ARHGAP22: variants seen among roughly 807,000 people sequenced by gnomAD.
ARHGAP22 encodes the protein Rho GTPase activating protein 22.
In ARHGAP22, 48 loss-of-function variants were observed where a neutral mutation model predicts 59.1. That is an observed-to-expected ratio of 0.81 (90% CI 0.64 to 1.03). ARHGAP22 has a LOEUF of 1.03. Ranked by LOEUF, ARHGAP22 falls within the 50% of genes least tolerant of loss-of-function variation. The pLI is 0.00. For missense variants in ARHGAP22, 1,015 were observed against 958.7 expected, an observed-to-expected ratio of 1.06 and a Z score of -0.78; for synonymous variants, 445 against 416.4, an observed-to-expected ratio of 1.07 and a Z score of -0.84.
chr10:48,473,576 G>A (rs1317838216), intron 4 of ARHGAP22, among the ~76,000 whole-genome samples: 1 of 151,646 alleles, frequency 6.6e-6, no homozygotes, highest in Admixed American at 6.6e-5. Flanking sequence ...AGAGCGCTGA[G>A]CACTTTATGT....
At chr10:48,654,774 CTTTCTT>C (rs1554967770), upstream of ARHGAP22, among the ~76,000 whole-genome samples, 19 of 42,754 alleles carry the variant, frequency 4.4e-4, no homozygotes, top group African/African-American at 1.9e-3. Flanking sequence ...ATGCTGATTA[CTTTCTT>C]TCTTTCTTTC....
intron 2 of ARHGAP22, among the ~76,000 whole-genome samples, chr10:48,573,367 C>G (rs2058515429): frequency 6.6e-6 from 1 of 152,150 alleles, no homozygotes; most frequent in Non-Finnish European, 1.5e-5. Context: ...CTCTAGTTAC[C>G]AGCTAGAACC....
At chr10:48,452,179 G>A (rs1238361984) in intron 8 of ARHGAP22, among the ~76,000 whole-genome samples, 2 of 152,304 alleles carry the variant, frequency 1.3e-5, no homozygotes, top group Non-Finnish European at 2.9e-5. Flanking sequence ...TGCAGCGGAG[G>A]TGGGCAGTGC....
At chr10:48,620,427 G>A (rs553814898) in intron 1 of ARHGAP22, among the ~76,000 whole-genome samples, 17 of 152,256 alleles carry the variant, frequency 1.1e-4, no homozygotes, top group African/African-American at 3.9e-4. Flanking sequence ...CAAGAGTGAC[G>A]GAGCCAGGAG....
chr10:48,563,215 ACG>A (rs1295079775), intron 2 of ARHGAP22, among the ~76,000 whole-genome samples: 1 of 41,660 alleles, frequency 2.4e-5, no homozygotes, highest in Non-Finnish European at 4.3e-5. Context: ...TTTTTTTGAG[ACG>A]TATTCTTGCT....
At chr10:48,545,363 T>C (rs2056339219) in intron 3 of ARHGAP22, among the ~76,000 whole-genome samples, 1 of 152,234 alleles carries the variant, frequency 6.6e-6, no homozygotes, top group Non-Finnish European at 1.5e-5. Flanking sequence ...GGTCCTGTGC[T>C]GAGCTGAGAG....
chr10:48,456,291 C>T (rs1431571486), intron 5 of ARHGAP22, among the ~76,000 whole-genome samples: 4 of 152,188 alleles, frequency 2.6e-5, no homozygotes, highest in Non-Finnish European at 4.4e-5. Flanking sequence ...TACCTTCTGG[C>T]CCTGACATTT....
At chr10:48,563,650 G>T (rs947588558) in intron 2 of ARHGAP22, among the ~76,000 whole-genome samples, 2 of 152,064 alleles carry the variant, frequency 1.3e-5, no homozygotes, top group African/African-American at 4.8e-5. Context: ...TACTACAGTA[G>T]ACTACAGTAT....
downstream of ARHGAP22, chr10:48,444,609 C>T (rs2045281595): frequency 6.6e-6 from 1 of 152,210 alleles, no homozygotes; most frequent in Non-Finnish European, 1.5e-5. Flanking sequence ...TTCCTTTCAT[C>T]ATGGGAAACC....
chr10:48,489,779 G>A (rs2050196641), intron 3 of ARHGAP22, among the ~76,000 whole-genome samples: 1 of 148,108 alleles, frequency 6.8e-6, no homozygotes. Flanking sequence ...TGTAGCCCAG[G>A]CTGGAGTGCA....
At chr10:48,442,485 C>T, downstream of ARHGAP22, among the ~76,000 whole-genome samples, 1 of 152,212 alleles carries the variant, frequency 6.6e-6, no homozygotes, top group East Asian at 1.9e-4. Flanking sequence ...GAACCAAGTG[C>T]TGTTGTTTCC....
At chr10:48,585,633 C>T (rs567178959) in intron 1 of ARHGAP22, among the ~76,000 whole-genome samples, 2 of 152,336 alleles carry the variant, frequency 1.3e-5, no homozygotes, top group East Asian at 3.9e-4. Context: ...CTCATCTCTT[C>T]TCTCTGGCAC....
intron 1 of ARHGAP22, among the ~76,000 whole-genome samples, chr10:48,616,638 T>A (rs1345839323): frequency 6.6e-6 from 1 of 152,140 alleles, no homozygotes; most frequent in African/African-American, 2.4e-5. Flanking sequence ...TAGCAGCTAA[T>A]TTCTTATCAG....
At chr10:48,431,501 G>A in the ARHGAP22 span, among the ~76,000 whole-genome samples, 1 of 152,134 alleles carries the variant, frequency 6.6e-6, no homozygotes, top group Non-Finnish European at 1.5e-5. Context: ...CTGAAGAACA[G>A]AAATTTAAAA....
At chr10:48,448,777 C>T (rs1250176243) in intron 9 of ARHGAP22, among the ~76,000 whole-genome samples, 1 of 152,182 alleles carries the variant, frequency 6.6e-6, no homozygotes, top group African/African-American at 2.4e-5. Flanking sequence ...GAGTACAGTC[C>T]CTCCACAAGG....
intron 3 of ARHGAP22, among the ~76,000 whole-genome samples, chr10:48,496,133 T>C (rs2050901488): frequency 6.6e-6 from 1 of 152,226 alleles, no homozygotes; most frequent in African/African-American, 2.4e-5. Context: ...GTTTGTGTTT[T>C]AAGCCACTAG....
At chr10:48,449,170 G>A (rs1346265147) in intron 9 of ARHGAP22, among the ~76,000 whole-genome samples, 1 of 152,236 alleles carries the variant, frequency 6.6e-6, no homozygotes, top group Non-Finnish European at 1.5e-5. Flanking sequence ...AGTTTGGTCT[G>A]TGAGCTCATC....
intron 1 of ARHGAP22, among the ~76,000 whole-genome samples, chr10:48,594,068 A>G (rs954414706): frequency 3.9e-5 from 6 of 152,212 alleles, no homozygotes; most frequent in African/African-American, 1.4e-4. Flanking sequence ...TAAAATAGCA[A>G]TTAAAGGATC....
At chr10:48,540,626 T>C (rs2055844970) in intron 3 of ARHGAP22, among the ~76,000 whole-genome samples, 1 of 152,030 alleles carries the variant, frequency 6.6e-6, no homozygotes, top group Non-Finnish European at 1.5e-5. Context: ...GCATTGAAAA[T>C]ATTGCATGAG....
Sources: gnomAD v4.1 joint callset for allele counts (sites outside exome capture counted in the v4.1 genomes callset) on GRCh38, gnomAD v4.1.1 for gene constraint, MANE v1.5 for transcripts, NCBI Gene and HGNC (gene_info 2026-07-23, HGNC 2026-07-21) for gene names.